Variants in GABRB1 observed in about 807,000 individuals in gnomAD.
GABRB1 encodes the protein gamma-aminobutyric acid receptor subunit beta-1.
In GABRB1, 17 loss-of-function variants were observed where a neutral mutation model predicts 51.6. The observed-to-expected ratio is 0.33, with a 90% CI of 0.23 to 0.49. The LOEUF (loss-of-function observed/expected upper bound fraction) is 0.49. GABRB1 is among the 20% of genes least tolerant of loss of function. The probability of loss-of-function intolerance (pLI) is 0.99; values close to 1 mark genes in which losing one functional copy is unlikely to be tolerated. For synonymous variants in GABRB1, 247 were observed against 218.9 expected, an observed-to-expected ratio of 1.13 and a Z score of -1.14; for missense variants, 410 against 600.6, an observed-to-expected ratio of 0.68 and a Z score of 3.32.
intron 1 of GABRB1, among the ~76,000 whole-genome samples, chr4:47,008,881 T>TTTTTTTTTTTTTTTTTTTTTA (rs1409493810): frequency 7.7e-6 from 1 of 129,960 alleles, no homozygotes; most frequent in South Asian, 2.6e-4. Context: ...TTTTTTTTTT[T>TTTTTTTTTTTTTTTTTTTTTA]TGAGACGAGT....
At chr4:47,098,151 AACACACAC>A (rs59294163) in intron 3 of GABRB1, among the ~76,000 whole-genome samples, 15,864 of 148,262 alleles carry the variant, frequency 0.11, 1,054 homozygotes, top group African/African-American at 0.19. Flanking sequence ...TTTTAGTACA[AACACACAC>A]ACACACACAC....
chr4:47,366,866 A>C (rs1348812180), intron 5 of GABRB1, among the ~76,000 whole-genome samples: 3 of 152,146 alleles, frequency 2.0e-5, no homozygotes, highest in African/African-American at 7.2e-5. Context: ...TGTGCTATTA[A>C]ATTTTAATTT....
At chr4:47,190,854 A>C (rs1334582717) in intron 4 of GABRB1, among the ~76,000 whole-genome samples, 1 of 152,166 alleles carries the variant, frequency 6.6e-6, no homozygotes, top group Non-Finnish European at 1.5e-5. Context: ...AGCACACTGA[A>C]CTGTGAGCAT....
At chr4:47,053,256 G>A (rs1341633255) in intron 3 of GABRB1, among the ~76,000 whole-genome samples, 1 of 152,114 alleles carries the variant, frequency 6.6e-6, no homozygotes, top group South Asian at 2.1e-4. Context: ...AATTATCATA[G>A]GCTCTGTGGC....
rs549250447 is a variant in GABRB1 at position 47,180,957 on chromosome 4, T to C, written c.461+19488T>C. ...TTTAGAATGTTCTCTCTATTATTGA[T>C]CCTGTACTTGATTTCATTATAATGT... On this transcript the variant is annotated intron_variant, in intron 4 of 8. Transcript: ENST00000295454. 1.3e-4 allele frequency among the ~76,000 whole-genome samples: 20 copies of C among 152,164 alleles called. No individual in the cohort carries two copies. The Middle Eastern group carries it at 0.014, about 104-fold the overall frequency.
intron 3 of GABRB1, among the ~76,000 whole-genome samples, chr4:47,121,993 A>T (rs1473183780): frequency 5.1e-5 from 2 of 39,460 alleles, no homozygotes; most frequent in Non-Finnish European, 1.0e-4. Context: ...GAAAAAAGGC[A>T]TGTCTATTTC....
At chr4:47,175,487 A>T (rs1222563006) in intron 4 of GABRB1, among the ~76,000 whole-genome samples, 1 of 152,108 alleles carries the variant, frequency 6.6e-6, no homozygotes, top group Non-Finnish European at 1.5e-5. Flanking sequence ...GAAAGTGTCT[A>T]CTCTTAACAC....
chr4:47,339,761 T>C (rs1390953108), intron 5 of GABRB1, among the ~76,000 whole-genome samples: 1 of 151,512 alleles, frequency 6.6e-6, no homozygotes, highest in Non-Finnish European at 1.5e-5. Flanking sequence ...ATCTGTTCTT[T>C]CCACTGTAGG....
In GABRB1 at chr4:47,138,706, A is replaced by C. The variant is rs972297885; in HGVS notation, c.241-22543A>C. 1.4e-4 allele frequency among the ~76,000 whole-genome samples: 21 copies of C among 152,100 alleles called. 1 individual carries two copies. Among genetic ancestry groups the C allele is most frequent in the African/African-American group, 5.1e-4 (21 of 41,438 alleles). ...TGCCCACATTGTAACCATATGCATA[A>C]CCATAGACCCAGAGAATGAAGACAG... is the stretch of plus-strand genomic sequence containing the variant. On this transcript the variant is annotated intron_variant, in intron 3 of 8. Coordinates refer to ENST00000295454, the MANE Select transcript of GABRB1 (RefSeq NM_000812.4).
chr4:47,064,286 T>A (rs558379647), intron 3 of GABRB1, among the ~76,000 whole-genome samples: 2 of 152,300 alleles, frequency 1.3e-5, no homozygotes, highest in Admixed American at 6.5e-5. Context: ...CTTGCCTATT[T>A]TAACTAAAGT....
chr4:47,417,695 T>C (rs1728975536), intron 8 of GABRB1, among the ~76,000 whole-genome samples: 1 of 152,174 alleles, frequency 6.6e-6, no homozygotes, highest in Admixed American at 6.5e-5. Context: ...TGTAGCCAGC[T>C]CCACTTCACT....
chr4:47,145,300 C>G (rs1477507356), intron 3 of GABRB1, among the ~76,000 whole-genome samples: 1 of 151,994 alleles, frequency 6.6e-6, no homozygotes, highest in Non-Finnish European at 1.5e-5. Flanking sequence ...CCAGGCAGCT[C>G]TTTCCTGGGA....
At chr4:47,320,735 G>A (rs932104227) in intron 5 of GABRB1, among the ~76,000 whole-genome samples, 1 of 151,382 alleles carries the variant, frequency 6.6e-6, no homozygotes, top group African/African-American at 2.4e-5. Context: ...GTCCTCTTGG[G>A]CTGCTTTTTC....
chr4:47,220,170 T>A (rs1720714925), intron 4 of GABRB1, among the ~76,000 whole-genome samples: 1 of 151,968 alleles, frequency 6.6e-6, no homozygotes, highest in Non-Finnish European at 1.5e-5. Flanking sequence ...TTTCTTTAGA[T>A]AATAAATATT....
intron 5 of GABRB1, among the ~76,000 whole-genome samples, chr4:47,364,039 A>AT (rs1688081764): frequency 1.3e-5 from 2 of 152,214 alleles, no homozygotes; most frequent in South Asian, 4.1e-4. Context: ...GCAATAACAC[A>AT]TTTATCTGAT....
intron 4 of GABRB1, among the ~76,000 whole-genome samples, chr4:47,254,970 A>G (rs1263945505): frequency 3.3e-5 from 5 of 152,228 alleles, no homozygotes; most frequent in Admixed American, 2.6e-4. Context: ...CTATTTGCTC[A>G]GTAACCAACT....
upstream of GABRB1, among the ~76,000 whole-genome samples, chr4:47,028,632 A>G (rs1414486739): frequency 1.3e-5 from 2 of 151,470 alleles, no homozygotes; most frequent in Non-Finnish European, 3.0e-5. Context: ...GTTGTGGCTA[A>G]TTGGAATGAA....
chr4:47,257,578 A>G (rs893915289), intron 4 of GABRB1, among the ~76,000 whole-genome samples: 2 of 151,812 alleles, frequency 1.3e-5, no homozygotes, highest in African/African-American at 2.4e-5. Flanking sequence ...TGGATTGGTG[A>G]GAAGTTGATT....
intron 4 of GABRB1, among the ~76,000 whole-genome samples, chr4:47,251,320 A>T (rs1429066013): frequency 1.3e-5 from 2 of 152,160 alleles, no homozygotes; most frequent in African/African-American, 4.8e-5. Flanking sequence ...TTTCAGTCAT[A>T]GATACCAGCA....
Sources: allele counts gnomAD v4.1 joint callset (sites outside exome capture counted in the v4.1 genomes callset), GRCh38; gene constraint gnomAD v4.1.1; transcripts MANE v1.5; gene names NCBI Gene and HGNC (gene_info 2026-07-23, HGNC 2026-07-21).